Variants in RIMS1 observed in about 807,000 individuals in gnomAD.
RIMS1 encodes regulating synaptic membrane exocytosis protein 1.
A neutral mutation model predicts 214.1 loss-of-function variants in RIMS1; 83 were observed. The observed-to-expected ratio is 0.39, with a 90% CI of 0.32 to 0.47. The LOEUF (loss-of-function observed/expected upper bound fraction) is 0.47, where lower values mean the gene tolerates loss of function less well. Ranked by LOEUF, RIMS1 falls within the 20% of genes least tolerant of loss-of-function variation. The pLI is 0.99. For missense variants in RIMS1, 2,050 were observed against 2,161.8 expected, an observed-to-expected ratio of 0.95 and a Z score of 1.03; for synonymous variants, 793 against 786.8, an observed-to-expected ratio of 1.01 and a Z score of -0.13.
At chr6:71,909,064 A>G (rs1167743749) in intron 1 of RIMS1, among the ~76,000 whole-genome samples, 2 of 152,110 alleles carry the variant, frequency 1.3e-5, no homozygotes, top group Non-Finnish European at 2.9e-5. Context: ...ATCTTGACTC[A>G]CTGCAAACTC....
chr6:72,302,817 A>G (rs1178687924), intron 26 of RIMS1, among the ~76,000 whole-genome samples: 3 of 151,484 alleles, frequency 2.0e-5, no homozygotes, highest in Non-Finnish European at 3.0e-5. Flanking sequence ...AATAATTTTT[A>G]CATTAATATA....
chr6:72,215,556 G>A (rs1369315523), intron 6 of RIMS1, among the ~76,000 whole-genome samples: 1 of 152,160 alleles, frequency 6.6e-6, no homozygotes, highest in Non-Finnish European at 1.5e-5. Flanking sequence ...GATAAGTGTT[G>A]TTGATTTTTC....
intron 2 of RIMS1, among the ~76,000 whole-genome samples, chr6:72,034,010 A>G (rs1390587583): frequency 6.6e-6 from 1 of 152,178 alleles, no homozygotes; most frequent in Non-Finnish European, 1.5e-5. Context: ...AGATGTCTAC[A>G]GAATGAGGAA....
chr6:72,352,121 G>T (rs769983594), intron 29 of RIMS1, among the ~76,000 whole-genome samples: 1 of 152,172 alleles, frequency 6.6e-6, no homozygotes, highest in Non-Finnish European at 1.5e-5. Flanking sequence ...CTCTGCAAAC[G>T]TTTTACTGTA....
intron 19 of RIMS1, chr6:72,263,392 G>A: frequency 2.0e-6 from 2 of 981,612 alleles, no homozygotes; most frequent in South Asian, 9.4e-5. Context: ...TTAAGTGGAA[G>A]TTATTTCCCA....
chr6:71,911,433 C>G (rs1438108816), intron 1 of RIMS1, among the ~76,000 whole-genome samples: 1 of 152,100 alleles, frequency 6.6e-6, no homozygotes, highest in Admixed American at 6.6e-5. Flanking sequence ...CTCTCTGTCT[C>G]ATGCATATGG....
chr6:72,363,580 G>A (rs1378683729), intron 29 of RIMS1, among the ~76,000 whole-genome samples: 1 of 152,100 alleles, frequency 6.6e-6, no homozygotes, highest in African/African-American at 2.4e-5. Flanking sequence ...CTTCTAAAAA[G>A]AATTCTGATA....
chr6:72,011,317 C>T (rs1810495453), intron 2 of RIMS1, among the ~76,000 whole-genome samples: 1 of 152,154 alleles, frequency 6.6e-6, no homozygotes. Context: ...ACACCTTACA[C>T]AAAAATTAAT....
At chr6:72,205,343 C>G (rs2052719880) in intron 6 of RIMS1, among the ~76,000 whole-genome samples, 1 of 152,114 alleles carries the variant, frequency 6.6e-6, no homozygotes. Flanking sequence ...CTCAGACTGA[C>G]AGCTAAGTGA....
At chr6:72,392,359 A>G (rs1228393035) in intron 30 of RIMS1, among the ~76,000 whole-genome samples, 1 of 152,244 alleles carries the variant, frequency 6.6e-6, no homozygotes, top group East Asian at 1.9e-4. Flanking sequence ...GTTCATGAGC[A>G]AGTATCTGTG....
At chr6:72,176,473 C>T (rs1468829215) in intron 4 of RIMS1, among the ~76,000 whole-genome samples, 1 of 151,930 alleles carries the variant, frequency 6.6e-6, no homozygotes, top group Non-Finnish European at 1.5e-5. Context: ...TTCTTTATAA[C>T]TTATATGAGC....
intron 29 of RIMS1, among the ~76,000 whole-genome samples, chr6:72,345,833 T>G (rs1276932534): frequency 6.6e-6 from 1 of 151,718 alleles, no homozygotes; most frequent in Non-Finnish European, 1.5e-5. Context: ...GAGATAAGGT[T>G]ACGTGATGTT....
intron 2 of RIMS1, among the ~76,000 whole-genome samples, chr6:72,022,066 G>A (rs1814867762): frequency 6.6e-6 from 1 of 152,136 alleles, no homozygotes; most frequent in Non-Finnish European, 1.5e-5. Flanking sequence ...GATATTAGGG[G>A]ACAACTAAGT....
chr6:72,383,380 A>G (rs766278096), intron 29 of RIMS1, among the ~76,000 whole-genome samples: 2 of 152,118 alleles, frequency 1.3e-5, no homozygotes, highest in Non-Finnish European at 2.9e-5. Context: ...TTGAATGACT[A>G]AAGGACAAAA....
rs941204687 is a variant in RIMS1, at chr6:72,003,844, CT to C, written c.245+34790del. 5.4e-5 allele frequency among the ~76,000 whole-genome samples: 8 copies of C among 147,632 alleles called. No individual in the cohort carries two copies. The East Asian group carries it at 6.0e-4, about 11-fold the overall frequency. ...AGGAATGAGGCTAAAGATCATTTTT[CT>C]TTTTTTTTCGATTTTCCTTTCTTTT... On this transcript the variant is annotated intron_variant, in intron 2 of 33. Coordinates refer to ENST00000521978, the MANE Select transcript of RIMS1 (RefSeq NM_014989.7).
intron 4 of RIMS1, among the ~76,000 whole-genome samples, chr6:72,173,908 G>A (rs1177027341): frequency 6.6e-6 from 1 of 151,992 alleles, no homozygotes; most frequent in Non-Finnish European, 1.5e-5. Flanking sequence ...GAATGAGAAA[G>A]GCTCTTTGCA....
chr6:72,389,296 T>C (rs1415769559), intron 29 of RIMS1, among the ~76,000 whole-genome samples: 1 of 152,214 alleles, frequency 6.6e-6, no homozygotes, highest in African/African-American at 2.4e-5. Context: ...GGGCATTCAA[T>C]GTTGGCAATT....
At chr6:71,962,475 G>A (rs1296549560) in intron 1 of RIMS1, among the ~76,000 whole-genome samples, 4 of 152,068 alleles carry the variant, frequency 2.6e-5, no homozygotes, top group East Asian at 1.9e-4. Context: ...ATAAACTCCC[G>A]AAGCTTCCCT....
intron 23 of RIMS1, among the ~76,000 whole-genome samples, chr6:72,279,420 A>G (rs1312435322): frequency 2.0e-5 from 3 of 152,018 alleles, no homozygotes; most frequent in South Asian, 4.1e-4. Flanking sequence ...TTATAGCTTT[A>G]AAAGAATTTC....
Sources: allele counts gnomAD v4.1 joint callset (sites outside exome capture counted in the v4.1 genomes callset), GRCh38; gene constraint gnomAD v4.1.1; transcripts MANE v1.5; gene names NCBI Gene and HGNC (gene_info 2026-07-23, HGNC 2026-07-21).